Variants in AWAT1 observed in about 807,000 individuals in gnomAD.
The protein encoded by AWAT1 is acyl-CoA wax alcohol acyltransferase 1, also known as diacyl-glycerol acyltransferase 2.
A neutral mutation model predicts 21.6 loss-of-function variants in AWAT1; 26 were observed. The observed-to-expected ratio is 1.20, with a 90% CI of 0.88 to 1.67. The LOEUF is 1.67. Among genes scored for constraint, AWAT1 ranks in the 40% most tolerant of loss-of-function variants. The pLI is 0.00. For synonymous variants in AWAT1, 102 were observed against 99.3 expected (o/e 1.03, Z -0.16); for missense variants, 264 against 249.4 (o/e 1.06, Z -0.39).
At chrX:70,235,957 G>A in intron 2 of AWAT1, 112 bp from the exon 3 acceptor site, 1 of 904,754 alleles carries the variant, frequency 1.1e-6, no homozygotes, top group South Asian at 2.1e-5. Flanking sequence ...CCATCCTAGG[G>A]TCTCCTCCTT....
intron 5 of AWAT1, among the ~76,000 whole-genome samples, chrX:70,238,601 C>T (rs1346032691): frequency 8.9e-6 from 1 of 112,488 alleles, no homozygotes; most frequent in Non-Finnish European, 1.9e-5. Context: ...GCTAAGGCTG[C>T]CCTGGCATAT....
intron 2 of AWAT1, 83 bp from the exon 3 acceptor site, chrX:70,235,986 G>A: frequency 1.0e-6 from 1 of 963,853 alleles, no homozygotes; most frequent in Non-Finnish European, 1.5e-6. Flanking sequence ...CTCTAGCAGA[G>A]CCATGCTAGG....
intron 3 of AWAT1, among the ~76,000 whole-genome samples, chrX:70,236,694 A>G (rs1001199372): frequency 2.7e-5 from 3 of 111,146 alleles, no homozygotes; most frequent in African/African-American, 9.8e-5. Context: ...TCCTCAGGGC[A>G]CTCTTTGGAG....
chrX:70,240,207 T>C lies in AWAT1; in HGVS notation c.904T>C (p.Tyr302His). 1 of 1,211,325 alleles carries C rather than the reference T, an allele frequency of 8.3e-7. No individual in the cohort carries two copies. Among genetic ancestry groups the C allele is most frequent in the Non-Finnish European group, 1.1e-6 (1 of 895,093 alleles). Residue 302 changes from tyrosine (Y) to histidine (H), a missense_variant, in exon 7 of 7, where the codon TAT (tyrosine) becomes CAT (histidine). Transcript: ENST00000374521. ...GATGGTGGACAAATACCATGCACTT[T>C]ATATGGATGCTCTGCACAAACTGTT... ...QEMVDKYHAL[Y>H]MDALHKLFDQ...
In AWAT1 at chrX:70,235,798, C is replaced by T. The variant is rs770029633; in HGVS notation, c.159C>T (p.Phe53=). The T allele has an allele frequency of 2.5e-6, 3 of 1,206,210 alleles. No individual in the cohort carries two copies. The highest frequency in any genetic ancestry group is 3.5e-5 in the South Asian group (2 of 56,650). The change falls in exon 2 of 7, where the codon TTC becomes TTT. Residue 53 remains phenylalanine, a synonymous_variant. Coordinates refer to ENST00000374521, the MANE Select transcript of AWAT1 (RefSeq NM_001013579.3). ...CAGTGCTTTACTTTGCCTGGTTGTT[C>T]CTGGACTGGAAGACCCCAGAGCGAG... ...PLPVLYFAWL[F]LDWKTPERGG...
At chrX:70,237,301 T>C (rs1383528971) in intron 4 of AWAT1, 53 bp downstream of exon 4, 1 of 1,075,474 alleles carries the variant, frequency 9.3e-7, no homozygotes, top group African/African-American at 1.9e-5. Context: ...TGCTTGGAAA[T>C]GCACCCTTTT....
chrX:70,240,483 C>T lies in AWAT1; in HGVS notation c.*193C>T. 1 of 448,299 alleles carries T rather than the reference C, an allele frequency of 2.2e-6. No homozygotes were observed. The allele number at this position is 448,299 out of a possible 1,213,427, so 36.9% of individuals were successfully genotyped here. ...TCTGAAGAGCTGCACACAGTCATTC[C>T]TCAAAGGAGGGCATCCTAGTGCCCC... On this transcript the variant is annotated 3_prime_UTR_variant, in exon 7 of 7. Transcript: ENST00000374521.
At chrX:70,238,442 G>A (rs2085524554) in intron 5 of AWAT1, 59 bp downstream of exon 5, 5 of 1,063,745 alleles carry the variant, frequency 4.7e-6, no homozygotes, top group Middle Eastern at 3.4e-4. Context: ...TGACCCTGTC[G>A]GTGAGGCCAG....
rs778399279 is a variant in AWAT1 at position 70,237,204 on chromosome X, G to C, written c.416G>C (p.Trp139Ser). 1.6e-5 allele frequency: 19 copies of C among 1,208,987 alleles called. No individual in the cohort carries two copies. The highest frequency in any genetic ancestry group is 4.5e-6 in the Non-Finnish European group (4 of 894,363). The change falls in exon 4 of 7, where the codon TGG becomes TCG. Residue 139 changes from tryptophan to serine, a missense_variant. Coordinates refer to ENST00000374521, the MANE Select transcript of AWAT1 (RefSeq NM_001013579.3). ...ACTCCTCACTTGGCCACGCTGTCCTGGTTCTTCAAGATCCCCTTTGTTAGG... is the reference window on the plus strand; with the variant it reads ...ACTCCTCACTTGGCCACGCTGTCCTCGTTCTTCAAGATCCCCTTTGTTAGG... ...GITPHLATLS[W>S]FFKIPFVREY...
In AWAT1 at chrX:70,238,268, A is replaced by C. The variant is rs1275739832; in HGVS notation, c.517A>C (p.Asn173His). The C allele has an allele frequency of 8.3e-7, 1 of 1,211,080 alleles. No individual in the cohort carries two copies. Among genetic ancestry groups the C allele is most frequent in the East Asian group, 3.0e-5 (1 of 33,816 alleles). ...INYLLSHGTGNLVGIVVGGVG... is the reference protein window; with the variant it reads ...INYLLSHGTGHLVGIVVGGVG... ...CTATCTGCTGAGCCATGGCACTGGC[A>C]ACCTCGTGGGCATTGTAGTGGGAGG... Residue 173 changes from asparagine (N) to histidine (H), a missense_variant, in exon 5 of 7, where the codon AAC becomes CAC. Physicochemically the swap from Asn to His is moderately conservative, Grantham distance 68 (BLOSUM62 1). Transcript: ENST00000374521.
In AWAT1 at chrX:70,236,541, C is replaced by A. The variant is rs750451149; in HGVS notation, c.255+402C>A. Among the ~76,000 whole-genome samples, 155 of 111,533 alleles carry A rather than the reference C, an allele frequency of 1.4e-3. 1 individual carries two copies. The highest frequency in any genetic ancestry group is 5.0e-3 in the African/African-American group (152 of 30,674). ...ACAAGGTACAGAAGTAGTTCAGATG[C>A]GGGATAAGGAAAGGCTTCACAGACA... On this transcript the variant is annotated intron_variant, in intron 3 of 6. Transcript: ENST00000374521.
intron 4 of AWAT1, among the ~76,000 whole-genome samples, chrX:70,237,980 T>C (rs913244923): frequency 2.7e-5 from 3 of 109,384 alleles, no homozygotes; most frequent in African/African-American, 1.0e-4. Flanking sequence ...GTTATCCCAC[T>C]GAAAACCTTC....
chrX:70,240,174 A>T lies in AWAT1; in HGVS notation c.871A>T (p.Ser291Cys). The change falls in exon 7 of 7, where the codon AGC becomes TGC. Residue 291 changes from serine to cysteine, a missense_variant. Ser to Cys is a moderately radical substitution (Grantham distance 112, BLOSUM62 -1). Coordinates refer to ENST00000374521, the MANE Select transcript of AWAT1 (RefSeq NM_001013579.3). Reference sequence around the variant, plus strand: ...GCCACTGCCCCAAATTGAAAAGCCAAGCCAGGAGATGGTGGACAAATACCA... The same window carrying T: ...GCCACTGCCCCAAATTGAAAAGCCATGCCAGGAGATGGTGGACAAATACCA... Reference protein sequence around the residue: ...PLPLPQIEKPSQEMVDKYHAL... With the variant: ...PLPLPQIEKPCQEMVDKYHAL... 1 of 1,211,703 alleles carries T rather than the reference A, an allele frequency of 8.3e-7. No individual in the cohort carries two copies. The highest frequency in any genetic ancestry group is 1.1e-6 in the Non-Finnish European group (1 of 895,345).
At chrX:70,240,076 G>C in intron 6 of AWAT1, 60 bp from the exon 7 acceptor site, 3 of 1,175,924 alleles carry the variant, frequency 2.6e-6, no homozygotes, top group East Asian at 3.0e-5. Context: ...AGGAGAGGGA[G>C]GTTAAAGGAA....
At position 70,235,704 on chromosome X, in the gene AWAT1, G is replaced by A; in HGVS notation, c.77-12G>A. 1 of 1,196,162 alleles carries A rather than the reference G, an allele frequency of 8.4e-7. No homozygotes were observed. Among genetic ancestry groups the A allele is most frequent in the East Asian group, 3.0e-5 (1 of 33,768 alleles). On this transcript the variant is annotated splice_polypyrimidine_tract_variant and intron_variant, in intron 1 of 6. Coordinates refer to ENST00000374521, the MANE Select transcript of AWAT1 (RefSeq NM_001013579.3). Reference sequence around the variant, plus strand: ...GGCAGCACAAATTTGGTCTAACCTGGTCCCTCATCAGTTTGGATCTTGCAG... The same window carrying A: ...GGCAGCACAAATTTGGTCTAACCTGATCCCTCATCAGTTTGGATCTTGCAG...
At chrX:70,235,143 A>G (rs749257470) in intron 1 of AWAT1, among the ~76,000 whole-genome samples, 10 of 111,247 alleles carry the variant, frequency 9.0e-5, no homozygotes, top group Non-Finnish European at 1.7e-4. Flanking sequence ...AGCATCCCAG[A>G]CTTAAAGAAG....
chrX:70,240,038 T>A (rs1055031760), intron 6 of AWAT1, 98 bp from the exon 7 acceptor site: 180 of 1,138,972 alleles, frequency 1.6e-4, no homozygotes, highest in Non-Finnish European at 2.1e-4. Context: ...TGGGAGCTGA[T>A]CTGGGATGCG....
chrX:70,240,295 A>G lies in AWAT1; in HGVS notation c.*5A>G. On this transcript the variant is annotated 3_prime_UTR_variant, in exon 7 of 7. Transcript: ENST00000374521. ...CAAAAGCTGTTTTTCCTGTGAATGA[A>G]GGTACTGCATGCCCAGGAGCACAGG... The G allele has an allele frequency of 1.7e-6, 2 of 1,208,795 alleles. No individual in the cohort carries two copies. Among genetic ancestry groups the G allele is most frequent in the Non-Finnish European group, 1.1e-6 (1 of 893,682 alleles).
Position 70,236,908 on chromosome X carries a change from C to T in AWAT1, c.256-136C>T, listed in dbSNP as rs2085516719. The T allele has an allele frequency of 7.3e-6, 4 of 547,259 alleles. No individual in the cohort carries two copies. The East Asian group carries it at 1.4e-4, about 20-fold the overall frequency. The allele number at this position is 547,259 out of a possible 1,213,427, so 45.1% of individuals were successfully genotyped here. A position where few individuals can be genotyped will look rare whatever the true frequency, so the allele number is the denominator to read the frequency against. ...TGGCCACAGAGACCAATATCTCAGC[C>T]CTCCTGAAACCCATTCAGGAAATCT... On this transcript the variant is annotated intron_variant, in intron 3 of 6. Transcript: ENST00000374521.
Sources: gnomAD v4.1 joint callset for allele counts (sites outside exome capture counted in the v4.1 genomes callset) on GRCh38, gnomAD v4.1.1 for gene constraint, MANE v1.5 for transcripts, NCBI Gene and HGNC (gene_info 2026-07-23, HGNC 2026-07-21) for gene names.